Variants in AOAH observed in about 807,000 individuals in gnomAD.
AOAH encodes the protein acyloxyacyl hydrolase.
In AOAH, 64 loss-of-function variants were observed where a neutral mutation model predicts 92.2. The observed-to-expected ratio is 0.69, with a 90% CI of 0.57 to 0.86. The LOEUF (loss-of-function observed/expected upper bound fraction) is 0.86. AOAH is among the 40% of genes least tolerant of loss of function. The pLI is 0.00. For missense variants in AOAH, 656 were observed against 694.6 expected (o/e 0.94, Z 0.62); for synonymous variants, 263 against 254.5 (o/e 1.03, Z -0.32).
At chr7:36,513,498 C>T (rs994477358) in intron 20 of AOAH, 118 bp from the exon 21 acceptor site, 4 of 955,138 alleles carry the variant, frequency 4.2e-6, no homozygotes, top group South Asian at 1.6e-5. Flanking sequence ...ATGACTCCCA[C>T]CCCCATGTCT....
chr7:36,571,771 G>C (rs552778228), intron 13 of AOAH, among the ~76,000 whole-genome samples: 2 of 152,214 alleles, frequency 1.3e-5, no homozygotes, highest in East Asian at 3.9e-4. Context: ...TCCAACCCTA[G>C]AGCCCTTCTG....
intron 3 of AOAH, among the ~76,000 whole-genome samples, chr7:36,672,792 T>G (rs562500130): frequency 1.3e-5 from 2 of 151,878 alleles, no homozygotes; most frequent in African/African-American, 4.8e-5. Flanking sequence ...TAAAAAAAAA[T>G]AGAATGTTCC....
chr7:36,716,560 C>G (rs1799186871), intron 1 of AOAH, among the ~76,000 whole-genome samples: 1 of 149,238 alleles, frequency 6.7e-6, no homozygotes, highest in South Asian at 2.1e-4. Context: ...ATAGCAAAGA[C>G]TTGGAACCAA....
At chr7:36,583,627 C>T (rs1176164390) in intron 12 of AOAH, among the ~76,000 whole-genome samples, 1 of 152,074 alleles carries the variant, frequency 6.6e-6, no homozygotes, top group Non-Finnish European at 1.5e-5. Context: ...AGTTCACATA[C>T]AAAAAGATTA....
chr7:36,589,102 C>A (rs1433358450), intron 12 of AOAH, among the ~76,000 whole-genome samples: 2 of 152,072 alleles, frequency 1.3e-5, no homozygotes, highest in Non-Finnish European at 2.9e-5. Context: ...TATCACTTAT[C>A]CTTGTCTGCA....
intron 12 of AOAH, among the ~76,000 whole-genome samples, chr7:36,578,478 T>C (rs1265250099): frequency 6.6e-6 from 1 of 152,154 alleles, no homozygotes; most frequent in Non-Finnish European, 1.5e-5. Context: ...ATAACTTACC[T>C]ATGTGTGTAT....
intron 3 of AOAH, chr7:36,661,359 G>A (rs1562670174): frequency 6.6e-6 from 1 of 152,236 alleles, no homozygotes; most frequent in Non-Finnish European, 1.5e-5. Context: ...GGTGGACTGA[G>A]TATCTGGAAA....
chr7:36,530,848 A>G (rs1174444225), intron 18 of AOAH, among the ~76,000 whole-genome samples: 1 of 152,230 alleles, frequency 6.6e-6, no homozygotes, highest in African/African-American at 2.4e-5. Flanking sequence ...ACCTTTCTAG[A>G]GAGCAATTTG....
intron 20 of AOAH, among the ~76,000 whole-genome samples, chr7:36,515,130 A>ACACACACAC (rs1783523922): frequency 2.3e-4 from 27 of 115,738 alleles, no homozygotes; most frequent in Admixed American, 2.8e-4. Context: ...ACACACCCCC[A>ACACACACAC]CACACACACC....
chr7:36,626,733 A>G (rs1395026770), intron 6 of AOAH, among the ~76,000 whole-genome samples: 1 of 152,204 alleles, frequency 6.6e-6, no homozygotes, highest in African/African-American at 2.4e-5. Context: ...TAGAATATAA[A>G]AAACCTGAAT....
intron 12 of AOAH, among the ~76,000 whole-genome samples, chr7:36,589,901 C>T (rs539047410): frequency 6.6e-5 from 10 of 152,068 alleles, no homozygotes; most frequent in Non-Finnish European, 1.3e-4. Context: ...GGAAAGTGAT[C>T]TGAACATGAA....
At chr7:36,529,014 A>C (rs887007122) in intron 19 of AOAH, among the ~76,000 whole-genome samples, 1 of 152,212 alleles carries the variant, frequency 6.6e-6, no homozygotes, top group Non-Finnish European at 1.5e-5. Flanking sequence ...AAAAGCATAC[A>C]TTGAGTAGCA....
rs115095875 is a variant in AOAH at position 36,613,718 on chromosome 7, T to A, written c.846+2662A>T. Among the ~76,000 whole-genome samples the A allele has an allele frequency of 1.4e-3, 220 of 152,366 alleles. 1 individual carries two copies. Among genetic ancestry groups the A allele is most frequent in the East Asian group, 5.6e-3 (29 of 5,190 alleles). On this transcript the variant is annotated intron_variant, in intron 11 of 20. Transcript: ENST00000617537. The stretch of plus-strand genomic sequence containing the variant: ...GCCACTGTATTTTTAGATCAGGTAG[T>A]TGTTTCACCTTAAGGCAGTCTTCCC...
chr7:36,579,784 T>C (rs150362638), intron 12 of AOAH, among the ~76,000 whole-genome samples: 2,333 of 152,242 alleles, frequency 0.015, 57 homozygotes, highest in African/African-American at 0.054. Context: ...CAGATTAAGG[T>C]TGGGTCTGCC....
At chr7:36,649,778 C>T (rs995502481) in intron 4 of AOAH, among the ~76,000 whole-genome samples, 44 of 152,172 alleles carry the variant, frequency 2.9e-4, no homozygotes, top group Admixed American at 2.7e-3. Flanking sequence ...TGCTGTTTGC[C>T]GCCGTGGCAG....
In AOAH at chr7:36,724,049, T is replaced by C. The variant is rs773372318; in HGVS notation, c.100A>G (p.Ser34Gly). ...ACACAGGTGTGCCCATTCGAGAGGC[T>C]GGGCCTGGACTGGTCATCGTTGGCT... ...SPANDDQSRP[S>G]LSNGHTCVGC... is the part of the protein sequence containing the mutation. The change falls in exon 1 of 21, where the codon AGC becomes GGC. Residue 34 changes from serine (S) to glycine (G), a missense_variant. Coordinates refer to ENST00000617537, the MANE Select transcript of AOAH (RefSeq NM_001637.4). The C allele has an allele frequency of 6.2e-7, 1 of 1,613,666 alleles. No homozygotes were observed. Among genetic ancestry groups the C allele is most frequent in the Admixed American group, 1.7e-5 (1 of 59,992 alleles).
chr7:36,616,371 A>AT lies in AOAH; in HGVS notation c.846+8dup. ...CACATCTGGAATGATTACTGCCAAA[A>AT]TTACTTACCAAAGACATCTGCGACG... On this transcript the variant is annotated intron_variant, in intron 11 of 20. Transcript: ENST00000617537. 1 of 1,611,062 alleles carries AT rather than the reference A, an allele frequency of 6.2e-7. No homozygotes were observed. The highest frequency in any genetic ancestry group is 8.5e-7 in the Non-Finnish European group (1 of 1,177,330).
intron 20 of AOAH, among the ~76,000 whole-genome samples, chr7:36,519,768 C>A (rs1448195039): frequency 6.6e-6 from 1 of 152,184 alleles, no homozygotes; most frequent in African/African-American, 2.4e-5. Context: ...TCATCCCACC[C>A]CATAATGCTC....
At chr7:36,533,342 G>T (rs1266533500) in intron 16 of AOAH, among the ~76,000 whole-genome samples, 2 of 152,036 alleles carry the variant, frequency 1.3e-5, no homozygotes, top group Non-Finnish European at 2.9e-5. Context: ...AAGATTGAAG[G>T]TGATAGAACA....
Sources: allele counts gnomAD v4.1 joint callset (sites outside exome capture counted in the v4.1 genomes callset), GRCh38; gene constraint gnomAD v4.1.1; transcripts MANE v1.5; gene names NCBI Gene and HGNC (gene_info 2026-07-23, HGNC 2026-07-21).